Variants in FHAD1 observed in about 807,000 individuals in gnomAD.
FHAD1 encodes the protein forkhead-associated domain-containing protein 1.
A neutral mutation model predicts 191.3 loss-of-function variants in FHAD1; 146 were observed. The observed-to-expected ratio is 0.76, with a 90% CI of 0.67 to 0.88. The LOEUF is 0.88. Ranked by LOEUF, FHAD1 falls within the 40% of genes least tolerant of loss-of-function variation. The pLI, the probability that FHAD1 is intolerant of heterozygous loss-of-function variation, is 0.00. For missense variants in FHAD1, 1,635 were observed against 1,785.8 expected (o/e 0.92, Z 1.52); for synonymous variants, 616 against 672.3 (o/e 0.92, Z 1.29).
chr1:15,329,604 A>C lies in FHAD1; in HGVS notation c.1906+63A>C. 1 of 1,436,670 alleles carries C rather than the reference A, an allele frequency of 7.0e-7. No homozygotes were observed. The highest frequency in any genetic ancestry group is 1.2e-5 in the South Asian group (1 of 81,266). The allele number at this position is 1,436,670 out of a possible 1,614,324, so 89.0% of individuals were successfully genotyped here. ...CTAAAATGTCGCGTTGAATCTCAGC[A>C]TGATGGGACATCTGTTGAGGAAGTC... is the stretch of plus-strand genomic sequence containing the variant. On this transcript the variant is annotated intron_variant, in intron 14 of 33. Coordinates refer to ENST00000688493, the MANE Select transcript of FHAD1 (RefSeq NM_001391957.1). The surrounding 1 kb of genome is among the most constrained non-coding windows in gnomAD (Gnocchi z 5.0).
chr1:15,367,655 G>C (rs1451421475), intron 25 of FHAD1, 33 bp downstream of exon 25: 1 of 1,510,536 alleles, frequency 6.6e-7, no homozygotes, highest in South Asian at 1.2e-5. Context: ...TGGGGGGATG[G>C]TTTGCCTGCC....
At chr1:15,242,331 C>G (rs1168671260), upstream of FHAD1, among the ~76,000 whole-genome samples, 1 of 151,496 alleles carries the variant, frequency 6.6e-6, no homozygotes, top group East Asian at 1.9e-4. Context: ...AGATTTGTAA[C>G]TGGTTAAGTT....
At chr1:15,376,021 AT>A (rs1699473847) in intron 28 of FHAD1, among the ~76,000 whole-genome samples, 1 of 148,174 alleles carries the variant, frequency 6.7e-6, no homozygotes, top group Non-Finnish European at 1.5e-5. Context: ...TCTTTATTTT[AT>A]TTTTTATTTT....
chr1:15,376,596 T>C (rs1699725673), intron 28 of FHAD1, among the ~76,000 whole-genome samples: 1 of 152,230 alleles, frequency 6.6e-6, no homozygotes, highest in Admixed American at 6.5e-5. Flanking sequence ...TGTGTGACCT[T>C]GGGCAAGGCT....
At chr1:15,380,043 C>T (rs1004276891) in intron 28 of FHAD1, among the ~76,000 whole-genome samples, 4 of 152,202 alleles carry the variant, frequency 2.6e-5, no homozygotes, top group Non-Finnish European at 5.9e-5. Context: ...GTCCAGTTTC[C>T]GCTGCGTGAA....
At chr1:15,238,250 G>GAAAAAAA (rs35058576) in intron 1 of FHAD1, among the ~76,000 whole-genome samples, 3 of 96,906 alleles carry the variant, frequency 3.1e-5, no homozygotes, top group African/African-American at 7.9e-5. Flanking sequence ...CCATCTCAAG[G>GAAAAAAA]AAAAAAAAAA....
At chr1:15,257,189 A>C (rs1233343645) in intron 2 of FHAD1, among the ~76,000 whole-genome samples, 1 of 152,228 alleles carries the variant, frequency 6.6e-6, no homozygotes, top group Non-Finnish European at 1.5e-5. Flanking sequence ...GTATGGCTGC[A>C]GCTCTGTTGG....
chr1:15,346,611 T>A (rs1422832063), intron 18 of FHAD1, among the ~76,000 whole-genome samples: 4 of 152,228 alleles, frequency 2.6e-5, no homozygotes, highest in Non-Finnish European at 5.9e-5. Flanking sequence ...ATATTCTACT[T>A]CTGTTAATGC....
chr1:15,363,986 G>A (rs1695629158), intron 23 of FHAD1: 1 of 339,452 alleles, frequency 2.9e-6, no homozygotes, highest in Admixed American at 4.0e-5. Context: ...TCCGCATTGT[G>A]AAAAGTTCCT....
At position 15,300,021 on chromosome 1, in the gene FHAD1, C is replaced by T. The variant is rs74435779; in HGVS notation, c.679-1184C>T. The stretch of plus-strand genomic sequence containing the variant: ...TGAGCTGGCCTAGAAACTGCCCACC[C>T]GCTTCCTTCCCACCAGTGGAAAATT... On this transcript the variant is annotated intron_variant, in intron 5 of 33. Transcript: ENST00000688493. Among the ~76,000 whole-genome samples, 10 of 152,338 alleles carry T rather than the reference C, an allele frequency of 6.6e-5. No homozygotes were observed. In the East Asian group the frequency reaches 1.3e-3, roughly 21 times the overall value.
At chr1:15,282,379 A>G (rs1398057119) in intron 3 of FHAD1, among the ~76,000 whole-genome samples, 1 of 152,226 alleles carries the variant, frequency 6.6e-6, no homozygotes, top group Non-Finnish European at 1.5e-5. Flanking sequence ...AGGACTCTTT[A>G]TGGCAAATTT....
chr1:15,342,666 C>CT (rs1469335357), intron 16 of FHAD1, among the ~76,000 whole-genome samples: 5 of 151,818 alleles, frequency 3.3e-5, no homozygotes, highest in Non-Finnish European at 7.4e-5. Flanking sequence ...AGAGTTGGCC[C>CT]TTTTTTTTCT....
intron 32 of FHAD1, among the ~76,000 whole-genome samples, chr1:15,390,520 T>G (rs1054510402): frequency 1.3e-5 from 2 of 151,960 alleles, no homozygotes; most frequent in Non-Finnish European, 2.9e-5. Context: ...TCTCACCGCC[T>G]TCTTTGACTT....
Position 15,265,526 on chromosome 1 carries a change from G to A in FHAD1, c.94-6797G>A, listed in dbSNP as rs187461873. On this transcript the variant is annotated intron_variant, in intron 2 of 33. Coordinates refer to ENST00000688493, the MANE Select transcript of FHAD1 (RefSeq NM_001391957.1). ...CTCCCTTGGCCTAACACAAGGCAGAGGCTTGTCCCATTTTGTGGTATCATC... is the reference window on the plus strand; with the variant it reads ...CTCCCTTGGCCTAACACAAGGCAGAAGCTTGTCCCATTTTGTGGTATCATC... Among the ~76,000 whole-genome samples the A allele has an allele frequency of 4.0e-3, 610 of 152,278 alleles. 16 individuals carry two copies. In the South Asian group the frequency reaches 0.079, roughly 20 times the overall value.
intron 6 of FHAD1, among the ~76,000 whole-genome samples, chr1:15,302,799 C>T (rs1424110271): frequency 4.6e-5 from 7 of 152,216 alleles, no homozygotes; most frequent in Non-Finnish European, 8.8e-5. Context: ...GTGAATTTCA[C>T]CCTCAGTGCA....
intron 2 of FHAD1, among the ~76,000 whole-genome samples, chr1:15,258,329 A>G (rs975514369): frequency 1.1e-4 from 16 of 152,200 alleles, no homozygotes. Flanking sequence ...CTCATAGACT[A>G]TACTATACGC....
At chr1:15,245,298 T>G (rs1045263601), upstream of FHAD1, among the ~76,000 whole-genome samples, 5 of 152,196 alleles carry the variant, frequency 3.3e-5, no homozygotes, top group African/African-American at 1.2e-4. Context: ...TTTATTTTGT[T>G]TGGATGTGCT....
In FHAD1 at chr1:15,362,656, AG is replaced by A; in HGVS notation, c.2979del (p.Arg993SerfsTer10). On this transcript the variant is annotated frameshift_variant, in exon 23 of 34. Coordinates refer to ENST00000688493, the MANE Select transcript of FHAD1 (RefSeq NM_001391957.1). LOFTEE classifies it high-confidence loss of function. ...KDNDPAPKEE[R>X]PQDPLVAPMT... ...CTCTGATACAGCCCCAAAGGAGGAA[AG>A]GCCGCAAGACCCTCTGGTGGCTCCC... The A allele has an allele frequency of 6.4e-7, 1 of 1,551,814 alleles. No individual in the cohort carries two copies.
At position 15,339,501 on chromosome 1, in the gene FHAD1, T is replaced by C; in HGVS notation, c.1927T>C (p.Tyr643His). Residue 643 changes from tyrosine (Y) to histidine (H), a missense_variant, in exon 15 of 34, where the codon TAT becomes CAT. Physicochemically the swap from Tyr to His is moderately conservative, Grantham distance 83. Transcript: ENST00000688493. Reference sequence around the variant, plus strand: ...TTAAGGGTTCTCTTTGTATCTGATATATCTTCTGGAACATTATAAAAAACT... The same window carrying C: ...TTAAGGGTTCTCTTTGTATCTGATACATCTTCTGGAACATTATAAAAAACT... ...PNKGFSLYLI[Y>H]LLEHYKKLMS... The C allele has an allele frequency of 1.6e-6, 2 of 1,280,246 alleles. No homozygotes were observed. Among genetic ancestry groups the C allele is most frequent in the Non-Finnish European group, 1.0e-6 (1 of 972,648 alleles). 79.3% of individuals were successfully genotyped at this position (1,280,246 alleles called of 1,614,324 possible).
Sources: gnomAD v4.1 joint callset for allele counts (sites outside exome capture counted in the v4.1 genomes callset) on GRCh38, gnomAD v4.1.1 for gene constraint, Gnocchi (gnomAD v3.1) non-coding constraint, MANE v1.5 for transcripts, NCBI Gene and HGNC (gene_info 2026-07-23, HGNC 2026-07-21) for gene names.